UNC80: variants seen among roughly 807,000 people sequenced by gnomAD.
The protein encoded by UNC80 is unc-80 subunit of NALCN channel complex, also known as protein unc-80 homolog.
A neutral mutation model predicts 384.6 loss-of-function variants in UNC80; 164 were observed. That is an observed-to-expected ratio of 0.43 (90% CI 0.38 to 0.49). The LOEUF is 0.49. UNC80 is among the 20% of genes least tolerant of loss of function. The probability of loss-of-function intolerance (pLI) is 0.00; values close to 1 mark genes in which losing one functional copy is unlikely to be tolerated. For missense variants in UNC80, 3,330 were observed against 4,143.0 expected, an observed-to-expected ratio of 0.80 and a Z score of 5.39; for synonymous variants, 1,486 against 1,527.8, an observed-to-expected ratio of 0.97 and a Z score of 0.64.
At chr2:209,831,655 G>C in intron 16 of UNC80, 64 bp downstream of exon 16, 1 of 1,404,310 alleles carries the variant, frequency 7.1e-7, no homozygotes, top group Non-Finnish European at 9.3e-7. Context: ...AGTACTCATT[G>C]TCGTGGCCAT....
At chr2:209,905,109 C>A in intron 29 of UNC80, 144 bp downstream of exon 29, 1 of 811,492 alleles carries the variant, frequency 1.2e-6, no homozygotes. Context: ...AAGAGATGTA[C>A]AAGAAAGACA....
At chr2:209,817,240 G>A in intron 10 of UNC80, 115 bp downstream of exon 10, 1 of 1,012,086 alleles carries the variant, frequency 9.9e-7, no homozygotes, top group Non-Finnish European at 1.4e-6. Flanking sequence ...AGAAATTTGG[G>A]GCTCAAATTC....
In UNC80 at chr2:209,995,620, G is replaced by A. The variant is rs1445324087; in HGVS notation, c.*25G>A. On this transcript the variant is annotated 3_prime_UTR_variant, in exon 65 of 65. Coordinates refer to ENST00000673920, the MANE Select transcript of UNC80 (RefSeq NM_001371986.1). The stretch of plus-strand genomic sequence containing the variant: ...ATTCTGTATCTTGTAAGCTCTGCAG[G>A]TATAGAGAAGACATGAAAGTGATCT... 6.5e-7 allele frequency: 1 copy of A among 1,547,100 alleles called. No homozygotes were observed. The highest frequency in any genetic ancestry group is 1.4e-5 in the African/African-American group (1 of 72,972).
intron 28 of UNC80, among the ~76,000 whole-genome samples, chr2:209,897,911 C>T (rs1242619957): frequency 6.6e-6 from 1 of 151,998 alleles, no homozygotes; most frequent in Non-Finnish European, 1.5e-5. Context: ...CAGCTAAGAC[C>T]ATTTAGATTT....
At chr2:209,938,141 G>A (rs911288238) in intron 42 of UNC80, among the ~76,000 whole-genome samples, 3 of 152,242 alleles carry the variant, frequency 2.0e-5, no homozygotes, top group East Asian at 3.9e-4. Flanking sequence ...TCTTGAAACA[G>A]GAAGAGATAT....
At chr2:209,930,947 A>G (rs2090814303) in intron 37 of UNC80, 21 bp from the exon 38 acceptor site, 2 of 1,514,082 alleles carry the variant, frequency 1.3e-6, no homozygotes, top group East Asian at 2.5e-5. Context: ...GGAAACATTA[A>G]AAATTCTGTT....
chr2:209,808,709 G>A (rs568295278), intron 7 of UNC80: 96 of 108,264 alleles, frequency 8.9e-4, no homozygotes, highest in Non-Finnish European at 1.6e-3. Flanking sequence ...GGGAGTTGGC[G>A]GAGCGGCTGC....
chr2:209,786,805 A>C (rs949195629), intron 5 of UNC80, among the ~76,000 whole-genome samples: 1 of 151,692 alleles, frequency 6.6e-6, no homozygotes, highest in Non-Finnish European at 1.5e-5. Context: ...TTTATGTAAA[A>C]TTGAGGTGAT....
chr2:209,827,885 T>C (rs947263714), intron 14 of UNC80, among the ~76,000 whole-genome samples: 3 of 152,184 alleles, frequency 2.0e-5, no homozygotes, highest in Admixed American at 2.0e-4. Flanking sequence ...CAGCGTATCT[T>C]AGAGTATTAA....
chr2:209,956,582 A>T (rs1194472194), intron 48 of UNC80, among the ~76,000 whole-genome samples: 1 of 151,426 alleles, frequency 6.6e-6, no homozygotes, highest in Non-Finnish European at 1.5e-5. Flanking sequence ...AAATTTTTTA[A>T]TTTTTTTTAA....
At chr2:209,905,823 C>A (rs574923999) in intron 29 of UNC80, among the ~76,000 whole-genome samples, 49 of 152,306 alleles carry the variant, frequency 3.2e-4, no homozygotes, top group Non-Finnish European at 4.7e-4. Flanking sequence ...CTACCCTGAG[C>A]AGCTGAGCTG....
At chr2:209,884,369 G>A (rs1574881771) in intron 25 of UNC80, among the ~76,000 whole-genome samples, 2 of 152,108 alleles carry the variant, frequency 1.3e-5, no homozygotes, top group Non-Finnish European at 1.5e-5. Context: ...GTCTACATTC[G>A]TTTGTTACAG....
rs2091334262 is a variant in UNC80 at position 209,937,550 on chromosome 2, C to T, written c.6385C>T (p.Pro2129Ser). ...ACAGACCTATGTTCGAGATATTTAT[C>T]CTTTCCGGAGGTCAGTATCTCCCCA... ...YNKTYVRDIY[P>S]FRRSVSPQLN... Residue 2129 changes from proline to serine, a missense_variant, in exon 42 of 65, where the codon CCT (proline) becomes TCT (serine). Pro to Ser is a moderately conservative substitution (Grantham distance 74). Coordinates refer to ENST00000673920, the MANE Select transcript of UNC80 (RefSeq NM_001371986.1). 1 of 1,551,284 alleles carries T rather than the reference C, an allele frequency of 6.4e-7. No individual in the cohort carries two copies. Among genetic ancestry groups the T allele is most frequent in the Non-Finnish European group, 8.7e-7 (1 of 1,146,552 alleles).
intron 14 of UNC80, 124 bp from the exon 15 acceptor site, chr2:209,829,099 GCAGGGTTGC>G: frequency 1.0e-6 from 1 of 975,938 alleles, no homozygotes; most frequent in East Asian, 2.6e-5. Flanking sequence ...AGAGGGGCTA[GCAGGGTTGC>G]CTGTCACCAG....
At chr2:209,778,438 A>G (rs1024832700) in intron 4 of UNC80, among the ~76,000 whole-genome samples, 2 of 152,166 alleles carry the variant, frequency 1.3e-5, no homozygotes, top group African/African-American at 4.8e-5. Flanking sequence ...TTTATGTTCT[A>G]TGGACTTTTA....
intron 11 of UNC80, among the ~76,000 whole-genome samples, chr2:209,818,615 T>A (rs1055378218): frequency 2.0e-5 from 3 of 152,208 alleles, no homozygotes; most frequent in African/African-American, 7.2e-5. Context: ...TGTTTGTTGT[T>A]CCTTAATATA....
chr2:209,897,424 T>A (rs1368094751), intron 28 of UNC80, among the ~76,000 whole-genome samples: 1 of 152,218 alleles, frequency 6.6e-6, no homozygotes, highest in East Asian at 1.9e-4. Flanking sequence ...GTAATTGGCA[T>A]CATATACTAC....
chr2:209,839,145 A>T lies in UNC80; in HGVS notation c.3042-77A>T. The T allele has an allele frequency of 7.6e-7, 1 of 1,320,608 alleles. No homozygotes were observed. Among genetic ancestry groups the T allele is most frequent in the Non-Finnish European group, 1.0e-6 (1 of 955,714 alleles). The allele number at this position is 1,320,608 out of a possible 1,614,324, so 81.8% of individuals were successfully genotyped here. A position where few individuals can be genotyped will look rare whatever the true frequency, so the allele number is the denominator to read the frequency against. ...TGCATGATTTGCCTAAATATCATTG[A>T]CAGGAAGATGAAAGAAATTTAGGAG... On this transcript the variant is annotated intron_variant, in intron 18 of 64. Coordinates refer to ENST00000673920, the MANE Select transcript of UNC80 (RefSeq NM_001371986.1). The surrounding 1 kb of genome is among the most constrained non-coding windows in gnomAD (Gnocchi z 4.1).
intron 20 of UNC80, 55 bp from the exon 21 acceptor site, chr2:209,842,295 A>T (rs2081822510): frequency 1.5e-6 from 2 of 1,342,318 alleles, no homozygotes; most frequent in African/African-American, 3.0e-5. Flanking sequence ...ATCTAACCAC[A>T]AAGATTTACC....
Sources: allele counts gnomAD v4.1 joint callset (sites outside exome capture counted in the v4.1 genomes callset), GRCh38; gene constraint gnomAD v4.1.1; non-coding constraint Gnocchi (gnomAD v3.1); transcripts MANE v1.5; gene names NCBI Gene and HGNC (gene_info 2026-07-23, HGNC 2026-07-21).